Variants in PAPSS2 observed in about 807,000 individuals in gnomAD.
PAPSS2 encodes 3'-phosphoadenosine 5'-phosphosulfate synthase 2.
In PAPSS2, 61 loss-of-function variants were observed where a neutral mutation model predicts 66.5. That is an observed-to-expected ratio of 0.92 (90% CI 0.75 to 1.14). The LOEUF (loss-of-function observed/expected upper bound fraction) is 1.14, where lower values mean the gene tolerates loss of function less well. Ranked by LOEUF, PAPSS2 falls within the 50% of genes most tolerant of loss-of-function variation. The probability of loss-of-function intolerance (pLI) is 0.00; values close to 1 mark genes in which losing one functional copy is unlikely to be tolerated. For missense variants in PAPSS2, 708 were observed against 789.6 expected, an observed-to-expected ratio of 0.90 and a Z score of 1.24; for synonymous variants, 289 against 287.5, an observed-to-expected ratio of 1.01 and a Z score of -0.05.
intron 1 of PAPSS2, among the ~76,000 whole-genome samples, chr10:87,683,094 C>CTTTTTTTTTTTTT (rs34190865): frequency 7.7e-6 from 1 of 130,524 alleles, no homozygotes; most frequent in Non-Finnish European, 1.6e-5. Context: ...TTTCTTTTTT[C>CTTTTTTTTTTTTT]TTTTTTTTTT....
chr10:87,722,132 TAC>T (rs1424124691), intron 8 of PAPSS2, among the ~76,000 whole-genome samples: 1 of 152,242 alleles, frequency 6.6e-6, no homozygotes, highest in Non-Finnish European at 1.5e-5. Context: ...TTTTTTTTCC[TAC>T]AGTGTTTATA....
At position 87,746,989 on chromosome 10, in the gene PAPSS2, C is replaced by G. The variant is rs945477841; in HGVS notation, c.*1019C>G. The G allele has an allele frequency of 1.3e-5, 2 of 152,154 alleles. No individual in the cohort carries two copies. Among genetic ancestry groups the G allele is most frequent in the African/African-American group, 4.8e-5 (2 of 41,432 alleles). The allele number at this position is 152,154 out of a possible 1,614,324, so 9.4% of individuals were successfully genotyped here. ...GTAAATTTGCCATTATTAGGAAGTG[C>G]TGGTGGCAGTGAAGAAGCACCCAGG... On this transcript the variant is annotated 3_prime_UTR_variant, in exon 13 of 13. Coordinates refer to ENST00000456849, the MANE Select transcript of PAPSS2 (RefSeq NM_001015880.2).
chr10:87,743,706 G>A lies in PAPSS2; in HGVS notation c.1491+65G>A, dbSNP rs1853902291. ...TCAGACTCAGACTTTACATAGAAGA[G>A]TAAATGAGTCTCTGGGATCCTTTCT... is the stretch of plus-strand genomic sequence containing the variant. On this transcript the variant is annotated intron_variant, in intron 11 of 12. Transcript: ENST00000456849. 3 of 1,567,958 alleles carry A rather than the reference G, an allele frequency of 1.9e-6. No individual in the cohort carries two copies. In the African/African-American group the frequency reaches 4.1e-5, roughly 21 times the overall value.
chr10:87,733,705 C>A (rs1231508703), intron 9 of PAPSS2, among the ~76,000 whole-genome samples: 1 of 152,140 alleles, frequency 6.6e-6, no homozygotes, highest in Non-Finnish European at 1.5e-5. Context: ...GTAGTTAAAG[C>A]TCCCCGTGAT....
At chr10:87,727,552 C>A in intron 9 of PAPSS2, 63 bp downstream of exon 9, 1 of 1,326,890 alleles carries the variant, frequency 7.5e-7, no homozygotes, top group Non-Finnish European at 1.1e-6. Flanking sequence ...AAAAATAACT[C>A]TTTTTAATTC....
In PAPSS2 at chr10:87,659,898, CTGCTGCT is replaced by C; in HGVS notation, c.-83_-77del. 7.1e-7 allele frequency: 1 copy of C among 1,406,476 alleles called. No individual in the cohort carries two copies. The highest frequency in any genetic ancestry group is 2.3e-5 in the East Asian group (1 of 43,094). The allele number at this position is 1,406,476 out of a possible 1,614,324, so 87.1% of individuals were successfully genotyped here. The stretch of plus-strand genomic sequence containing the variant: ...CCGGCAGCCGCTGCTGCTGCTGCTG[CTGCTGCT>C]GCCGCCGCCGCCGCCGCCGTCCCTG... On this transcript the variant is annotated 5_prime_UTR_variant, in exon 1 of 13. Coordinates refer to ENST00000456849, the MANE Select transcript of PAPSS2 (RefSeq NM_001015880.2).
intron 9 of PAPSS2, among the ~76,000 whole-genome samples, chr10:87,730,348 C>T (rs1298202666): frequency 6.6e-6 from 1 of 152,126 alleles, no homozygotes; most frequent in Non-Finnish European, 1.5e-5. Flanking sequence ...TGGCCAAAAC[C>T]AGGTTATGGC....
At chr10:87,701,029 CCAA>C (rs1190262804) in intron 1 of PAPSS2, among the ~76,000 whole-genome samples, 2 of 151,552 alleles carry the variant, frequency 1.3e-5, no homozygotes, top group East Asian at 3.9e-4. Context: ...ATGGAAGACA[CCAA>C]CAACAGGAAT....
At chr10:87,734,804 C>G (rs919154400) in intron 9 of PAPSS2, among the ~76,000 whole-genome samples, 2 of 149,226 alleles carry the variant, frequency 1.3e-5, no homozygotes, top group East Asian at 4.0e-4. Flanking sequence ...TCCACCATTT[C>G]CTTCCTTCTT....
At chr10:87,695,431 G>A (rs1174554968) in intron 1 of PAPSS2, among the ~76,000 whole-genome samples, 2 of 152,204 alleles carry the variant, frequency 1.3e-5, no homozygotes, top group African/African-American at 4.8e-5. Flanking sequence ...TTAGACCATA[G>A]CAGCCTGTAC....
At chr10:87,714,550 G>C (rs1853508171) in intron 4 of PAPSS2, among the ~76,000 whole-genome samples, 195 bp from the exon 5 acceptor site, 1 of 152,118 alleles carries the variant, frequency 6.6e-6, no homozygotes, top group Admixed American at 6.5e-5. Flanking sequence ...TTGACAATTT[G>C]GGGCTTTCCA....
intron 1 of PAPSS2, among the ~76,000 whole-genome samples, chr10:87,678,623 G>C (rs988404623): frequency 2.0e-5 from 3 of 151,976 alleles, no homozygotes; most frequent in Admixed American, 6.6e-5. Flanking sequence ...GTGGGCAAAG[G>C]ACATGAATAG....
intron 7 of PAPSS2, among the ~76,000 whole-genome samples, chr10:87,719,181 C>T (rs1853567305): frequency 6.6e-6 from 1 of 152,140 alleles, no homozygotes; most frequent in African/African-American, 2.4e-5. Flanking sequence ...CTACCACTCG[C>T]CGTATGTTAA....
chr10:87,742,017 C>G (rs1392170545), intron 10 of PAPSS2, among the ~76,000 whole-genome samples: 1 of 152,188 alleles, frequency 6.6e-6, no homozygotes, highest in African/African-American at 2.4e-5. Context: ...CTCAGCCTCC[C>G]AAAGTGCTGG....
intron 1 of PAPSS2, among the ~76,000 whole-genome samples, chr10:87,689,504 T>C (rs969261424): frequency 3.3e-5 from 5 of 151,122 alleles, no homozygotes; most frequent in African/African-American, 1.2e-4. Flanking sequence ...CCGTCTCTAC[T>C]AAATACAAAA....
chr10:87,705,191 T>C (rs771152425), intron 1 of PAPSS2, among the ~76,000 whole-genome samples: 5 of 152,254 alleles, frequency 3.3e-5, no homozygotes, highest in Non-Finnish European at 7.3e-5. Flanking sequence ...GTAGTTTTTT[T>C]GGATAAGGCT....
Position 87,720,578 on chromosome 10 carries a change from C to T in PAPSS2, c.866-1178C>T, listed in dbSNP as rs114752542. ...CAGACATGTGCCCACTTTTGTCTTCCTTCAAACCATTGCAAATTTCTTGAT... is the reference window on the plus strand; with the variant it reads ...CAGACATGTGCCCACTTTTGTCTTCTTTCAAACCATTGCAAATTTCTTGAT... On this transcript the variant is annotated intron_variant, in intron 7 of 12. Coordinates refer to ENST00000456849, the MANE Select transcript of PAPSS2 (RefSeq NM_001015880.2). Among the ~76,000 whole-genome samples, 1,026 of 152,256 alleles carry T rather than the reference C, an allele frequency of 6.7e-3. 13 individuals are homozygous for T. Among genetic ancestry groups the T allele is most frequent in the African/African-American group, 0.023 (960 of 41,546 alleles).
At chr10:87,665,361 G>A (rs971256223) in intron 1 of PAPSS2, among the ~76,000 whole-genome samples, 27 of 152,232 alleles carry the variant, frequency 1.8e-4, no homozygotes, top group African/African-American at 5.1e-4. Flanking sequence ...ACAGGTGCCT[G>A]CCACCACGCC....
chr10:87,709,303 G>T lies in PAPSS2; in HGVS notation c.135G>T (p.Val45=), dbSNP rs201370512. ...GTRGGFRGCT[V]WLTGLSGAGK... ...GGGGTGGGTTCCGAGGATGTACCGT[G>T]TGGCTAACAGGTATGTCATGTTCAT... The change falls in exon 2 of 13, where the codon GTG becomes GTT. Residue 45 remains valine, a synonymous_variant. Transcript: ENST00000456849. The T allele has an allele frequency of 1.3e-6, 2 of 1,581,770 alleles. No homozygotes were observed. Among genetic ancestry groups the T allele is most frequent in the Non-Finnish European group, 1.7e-6 (2 of 1,154,008 alleles).
Sources: gnomAD v4.1 joint callset for allele counts (sites outside exome capture counted in the v4.1 genomes callset) on GRCh38, gnomAD v4.1.1 for gene constraint, MANE v1.5 for transcripts, NCBI Gene and HGNC (gene_info 2026-07-23, HGNC 2026-07-21) for gene names.